PPP2R2C: variants seen among roughly 807,000 people sequenced by gnomAD.
PPP2R2C encodes the protein protein phosphatase 2, regulatory subunit B, gamma.
In PPP2R2C, 10 loss-of-function variants were observed where a neutral mutation model predicts 45.3. The observed-to-expected ratio is 0.22, with a 90% CI of 0.14 to 0.37. The LOEUF (loss-of-function observed/expected upper bound fraction) is 0.37. Among genes scored for constraint, PPP2R2C ranks in the 10% least tolerant of loss-of-function variants. The probability of loss-of-function intolerance (pLI) is 1.00; values close to 1 mark genes in which losing one functional copy is unlikely to be tolerated. For synonymous variants in PPP2R2C, 257 were observed against 245.4 expected, an observed-to-expected ratio of 1.05 and a Z score of -0.44; for missense variants, 308 against 619.7, an observed-to-expected ratio of 0.50 and a Z score of 5.34.
In PPP2R2C at chr4:6,509,740, C is replaced by T. The variant is rs576548671; in HGVS notation, c.49+25531G>A. ...ACACTCATGGAATGCCTGTGAGTCA[C>T]GCTCCATACCTTCTAGCTGGGTGGC... is the stretch of plus-strand genomic sequence containing the variant. On this transcript the variant is annotated intron_variant, in intron 2 of 9. Coordinates refer to the PPP2R2C transcript ENST00000506140. 8.5e-5 allele frequency among the ~76,000 whole-genome samples: 13 copies of T among 152,332 alleles called. No individual in the cohort carries two copies. The East Asian group carries it at 2.3e-3, about 27-fold the overall frequency.
At chr4:6,544,566 G>T (rs185763582) in intron 1 of PPP2R2C, among the ~76,000 whole-genome samples, 1 of 152,040 alleles carries the variant, frequency 6.6e-6, no homozygotes, top group African/African-American at 2.4e-5. Context: ...CTAACTCCTG[G>T]CCTCAAGTGA....
intron 1 of PPP2R2C, among the ~76,000 whole-genome samples, chr4:6,456,548 A>G (rs1162558887): frequency 1.3e-5 from 2 of 152,122 alleles, no homozygotes; most frequent in Admixed American, 6.5e-5. Flanking sequence ...CACCTTTCAC[A>G]TTGAAAGTCG....
intron 1 of PPP2R2C, among the ~76,000 whole-genome samples, chr4:6,430,709 GA>G (rs1719565729): frequency 6.6e-6 from 1 of 152,146 alleles, no homozygotes; most frequent in African/African-American, 2.4e-5. Flanking sequence ...TGGATCACAT[GA>G]GGTCAGGAGT....
intron 2 of PPP2R2C, among the ~76,000 whole-genome samples, chr4:6,510,994 C>CAAAAAAAAAAAAAAAAA (rs200316130): frequency 3.0e-5 from 1 of 33,212 alleles, no homozygotes; most frequent in African/African-American, 5.3e-5. Flanking sequence ...AAAAAACAAA[C>CAAAAAAAAAAAAAAAAA]AAACAAAAAA....
intron 1 of PPP2R2C, among the ~76,000 whole-genome samples, chr4:6,394,412 C>A (rs1716878109): frequency 6.6e-6 from 1 of 152,214 alleles, no homozygotes; most frequent in Admixed American, 6.5e-5. Context: ...GTACCCAAAG[C>A]AAATCACAGA....
rs998334988 is a variant in PPP2R2C, at chr4:6,410,645, C to T, written c.71-29551G>A. On this transcript the variant is annotated intron_variant, in intron 1 of 8. Coordinates refer to ENST00000382599, the MANE Select transcript of PPP2R2C (RefSeq NM_020416.4). ...AGGTGTGTGAGGGGGTGTGGCTGGACGTGAAGCAACTGCATACACCTGCCT... is the reference window on the plus strand; with the variant it reads ...AGGTGTGTGAGGGGGTGTGGCTGGATGTGAAGCAACTGCATACACCTGCCT... Among the ~76,000 whole-genome samples, 46 of 151,938 alleles carry T rather than the reference C, an allele frequency of 3.0e-4. 1 individual carries two copies. Among genetic ancestry groups the T allele is most frequent in the Admixed American group, 2.9e-3 (44 of 15,258 alleles).
At chr4:6,417,563 T>C (rs564154939) in intron 1 of PPP2R2C, among the ~76,000 whole-genome samples, 77 of 152,340 alleles carry the variant, frequency 5.1e-4, no homozygotes, top group Admixed American at 1.0e-3. Flanking sequence ...CCATGCCCAG[T>C]CTGCCTGGCA....
chr4:6,348,087 T>G, intron 5 of PPP2R2C, 77 bp from the exon 6 acceptor site: 1 of 1,537,058 alleles, frequency 6.5e-7, no homozygotes, highest in Non-Finnish European at 8.9e-7. Flanking sequence ...TTCTGACACC[T>G]CTCCCGAGGC....
chr4:6,488,850 C>G (rs1434385996), intron 2 of PPP2R2C, among the ~76,000 whole-genome samples: 1 of 152,202 alleles, frequency 6.6e-6, no homozygotes, highest in Non-Finnish European at 1.5e-5. Context: ...ATTTTCCAGT[C>G]TGGCTGGTAA....
At chr4:6,382,380 T>A (rs1178580002) in intron 1 of PPP2R2C, 13 of 1,346,578 alleles carry the variant, frequency 9.7e-6, no homozygotes, top group Non-Finnish European at 1.2e-5. Context: ...TTGCTCCCTG[T>A]AGCCACAGAG....
chr4:6,342,666 G>T (rs1001556203), intron 6 of PPP2R2C, among the ~76,000 whole-genome samples: 2 of 152,222 alleles, frequency 1.3e-5, no homozygotes, highest in African/African-American at 4.8e-5. Flanking sequence ...CAGGCTCTGT[G>T]CTGTCATAAG....
chr4:6,425,043 C>T (rs1051575363), intron 1 of PPP2R2C, among the ~76,000 whole-genome samples: 3 of 152,202 alleles, frequency 2.0e-5, no homozygotes, highest in Admixed American at 6.5e-5. Flanking sequence ...GAGCTTAGCA[C>T]GTGCCTGGCA....
At chr4:6,396,009 C>T (rs1001824124) in intron 1 of PPP2R2C, among the ~76,000 whole-genome samples, 1 of 152,186 alleles carries the variant, frequency 6.6e-6, no homozygotes, top group African/African-American at 2.4e-5. Flanking sequence ...GGTTACACGC[C>T]GGCCACCCCA....
chr4:6,348,041 T>A (rs1394604486), intron 5 of PPP2R2C, 31 bp from the exon 6 acceptor site: 1 of 1,606,332 alleles, frequency 6.2e-7, no homozygotes, highest in Non-Finnish European at 8.5e-7. Context: ...GAAGGGGCAG[T>A]GAAGGGCGCC....
intron 1 of PPP2R2C, among the ~76,000 whole-genome samples, chr4:6,454,291 G>T (rs924256782): frequency 1.3e-5 from 2 of 152,162 alleles, no homozygotes; most frequent in Non-Finnish European, 2.9e-5. Context: ...ACATGCAAAG[G>T]TTGAGTCCAA....
Position 6,370,523 on chromosome 4 carries a change from C to T in PPP2R2C, c.625+2000G>A, listed in dbSNP as rs147750644. ...TCCGGCCTGGCCAATCACAACAAGG[C>T]ATTCACCCCCAATTAGAGCCCACAA... On this transcript the variant is annotated intron_variant, in intron 5 of 8. Transcript: ENST00000382599. 4.5e-3 allele frequency among the ~76,000 whole-genome samples: 682 copies of T among 152,298 alleles called. 4 individuals carry two copies. Among genetic ancestry groups the T allele is most frequent in the African/African-American group, 0.015 (616 of 41,568 alleles).
chr4:6,427,755 T>C (rs867255648), intron 1 of PPP2R2C, among the ~76,000 whole-genome samples: 4 of 152,238 alleles, frequency 2.6e-5, no homozygotes, highest in African/African-American at 9.6e-5. Flanking sequence ...AGGAAGCTTT[T>C]AGCAGCCAGT....
Position 6,466,056 on chromosome 4 carries a change from A to T in PPP2R2C, c.70+6104T>A, listed in dbSNP as rs577607927. Among the ~76,000 whole-genome samples the T allele has an allele frequency of 1.1e-4, 17 of 152,362 alleles. No homozygotes were observed. In the East Asian group the frequency reaches 3.1e-3, roughly 28 times the overall value. ...TTCCTGCGTCATTCATGTTTCTTAG[A>T]AGTCACTGCATGAGAACATCAATGC... On this transcript the variant is annotated intron_variant, in intron 1 of 8. Transcript: ENST00000382599.
At chr4:6,348,039 A>G (rs1046445114) in intron 5 of PPP2R2C, 29 bp from the exon 6 acceptor site, 2 of 1,606,804 alleles carry the variant, frequency 1.2e-6, no homozygotes, top group Non-Finnish European at 1.7e-6. Context: ...AGGAAGGGGC[A>G]GTGAAGGGCG....
Sources: gnomAD v4.1 joint callset for allele counts (sites outside exome capture counted in the v4.1 genomes callset) on GRCh38, gnomAD v4.1.1 for gene constraint, MANE v1.5 for transcripts, NCBI Gene and HGNC (gene_info 2026-07-23, HGNC 2026-07-21) for gene names.